The following ST18 variants were observed in gnomAD, a reference collection of about 807,000 sequenced individuals.
The protein encoded by ST18 is suppression of tumorigenicity 18 protein.
In ST18, 50 loss-of-function variants were observed where a neutral mutation model predicts 110.0. The observed-to-expected ratio is 0.45, with a 90% CI of 0.36 to 0.58. The LOEUF is 0.58. ST18 is among the 20% of genes least tolerant of loss of function. The pLI, the probability that ST18 is intolerant of heterozygous loss-of-function variation, is 0.00. For synonymous variants in ST18, 461 were observed against 452.4 expected (o/e 1.02, Z -0.24); for missense variants, 1,306 against 1,280.1 (o/e 1.02, Z -0.31).
At chr8:52,357,170 G>A (rs1051504099) in intron 2 of ST18, among the ~76,000 whole-genome samples, 9 of 152,170 alleles carry the variant, frequency 5.9e-5, no homozygotes, top group Non-Finnish European at 8.8e-5. Flanking sequence ...ATCACATCAC[G>A]GAGTATCGAG....
intron 9 of ST18, among the ~76,000 whole-genome samples, chr8:52,177,718 A>C (rs559520952): frequency 6.6e-6 from 1 of 152,336 alleles, no homozygotes; most frequent in Non-Finnish European, 1.5e-5. Flanking sequence ...GAGCATAGTT[A>C]GTTGGGAAAT....
chr8:52,376,483 A>C (rs1317215983), intron 2 of ST18, among the ~76,000 whole-genome samples: 6 of 152,080 alleles, frequency 3.9e-5, no homozygotes, highest in Non-Finnish European at 7.4e-5. Flanking sequence ...ACTACTTAAC[A>C]CTGCAAATTG....
At chr8:52,367,065 C>T (rs1464749326) in intron 2 of ST18, among the ~76,000 whole-genome samples, 10 of 152,122 alleles carry the variant, frequency 6.6e-5, no homozygotes, top group Admixed American at 6.5e-4. Flanking sequence ...AAGCCCATCT[C>T]TACTAAAAAT....
At chr8:52,356,144 C>G (rs1157524394) in intron 2 of ST18, among the ~76,000 whole-genome samples, 2 of 152,166 alleles carry the variant, frequency 1.3e-5, no homozygotes, top group Non-Finnish European at 2.9e-5. Flanking sequence ...TGAGAAAACC[C>G]TAAGCTGTCA....
chr8:52,143,261 C>T (rs919866492), intron 16 of ST18, among the ~76,000 whole-genome samples: 6 of 152,114 alleles, frequency 3.9e-5, no homozygotes, highest in African/African-American at 7.2e-5. Context: ...CCGAGGCAGG[C>T]GGATCACGAG....
At chr8:52,167,535 G>C (rs1587554836) in intron 10 of ST18, among the ~76,000 whole-genome samples, 1 of 152,230 alleles carries the variant, frequency 6.6e-6, no homozygotes, top group Non-Finnish European at 1.5e-5. Flanking sequence ...ACACTGGCTT[G>C]TGTCCTGTCT....
intron 2 of ST18, among the ~76,000 whole-genome samples, chr8:52,273,839 T>C (rs908422106): frequency 2.6e-5 from 4 of 152,238 alleles, no homozygotes; most frequent in African/African-American, 7.2e-5. Flanking sequence ...TCAAGCACAC[T>C]AATTAAGCCT....
chr8:52,181,187 T>A (rs1265152712), intron 8 of ST18, among the ~76,000 whole-genome samples: 1 of 152,180 alleles, frequency 6.6e-6, no homozygotes, highest in Non-Finnish European at 1.5e-5. Context: ...ATTTATTAAA[T>A]GTACTTTGAA....
chr8:52,409,761 C>T (rs977483318), upstream of ST18: 1 of 152,258 alleles, frequency 6.6e-6, no homozygotes, highest in African/African-American at 2.4e-5. Flanking sequence ...AGAATCAGAA[C>T]GCAGAGGCGC....
At chr8:52,242,289 A>C (rs1323883806) in intron 2 of ST18, among the ~76,000 whole-genome samples, 1 of 152,222 alleles carries the variant, frequency 6.6e-6, no homozygotes, top group Non-Finnish European at 1.5e-5. Context: ...CCTTCTTTCA[A>C]GTGCAATCTT....
chr8:52,122,446 CTATTA>C (rs2045319898), intron 23 of ST18, among the ~76,000 whole-genome samples: 4 of 151,704 alleles, frequency 2.6e-5, no homozygotes, highest in Non-Finnish European at 4.4e-5. Flanking sequence ...CAAACAAATT[CTATTA>C]TATTTCTTGA....
intron 2 of ST18, among the ~76,000 whole-genome samples, chr8:52,354,988 G>A (rs1822057529): frequency 6.6e-6 from 1 of 152,168 alleles, no homozygotes; most frequent in South Asian, 2.1e-4. Context: ...TAAAAGCCTA[G>A]AAGGCCATGT....
intron 8 of ST18, among the ~76,000 whole-genome samples, chr8:52,204,977 T>A (rs7820725): frequency 0.069 from 10,517 of 152,096 alleles, 1,231 homozygotes; most frequent in African/African-American, 0.24. Flanking sequence ...TCTACGGACA[T>A]TTATTCATTA....
At chr8:52,133,029 AC>A (rs769396714) in intron 21 of ST18, 27 bp downstream of exon 21, 1 of 1,611,630 alleles carries the variant, frequency 6.2e-7, no homozygotes, top group African/African-American at 1.3e-5. Flanking sequence ...GAGACAGCTG[AC>A]CCCCATGTCT....
chr8:52,196,416 T>A (rs750814432), intron 8 of ST18, among the ~76,000 whole-genome samples: 1 of 152,182 alleles, frequency 6.6e-6, no homozygotes, highest in Non-Finnish European at 1.5e-5. Context: ...ACATCCTCTG[T>A]TTTTATTTGG....
intron 2 of ST18, among the ~76,000 whole-genome samples, chr8:52,375,974 C>T (rs1319981166): frequency 6.6e-6 from 1 of 152,148 alleles, no homozygotes; most frequent in Non-Finnish European, 1.5e-5. Context: ...TTCAATCTTT[C>T]AGGAAATTGT....
At chr8:52,153,934 T>C (rs760590760) in intron 15 of ST18, among the ~76,000 whole-genome samples, 1 of 152,238 alleles carries the variant, frequency 6.6e-6, no homozygotes, top group Non-Finnish European at 1.5e-5. Flanking sequence ...TGGCACATAA[T>C]ACGTCTTCCA....
At chr8:52,183,941 G>C (rs2070949248) in intron 8 of ST18, among the ~76,000 whole-genome samples, 1 of 152,204 alleles carries the variant, frequency 6.6e-6, no homozygotes, top group African/African-American at 2.4e-5. Context: ...AGCATTTGGA[G>C]CTGAAATGAA....
At chr8:52,323,936 G>A (rs917228852) in intron 2 of ST18, among the ~76,000 whole-genome samples, 1 of 152,344 alleles carries the variant, frequency 6.6e-6, no homozygotes. Flanking sequence ...GTAACCTGAA[G>A]AGCAGCCCCA....
Sources: allele counts gnomAD v4.1 joint callset (sites outside exome capture counted in the v4.1 genomes callset), GRCh38; gene constraint gnomAD v4.1.1; transcripts MANE v1.5; gene names NCBI Gene and HGNC (gene_info 2026-07-23, HGNC 2026-07-21).